Variants in PIK3C2G observed in about 807,000 individuals in gnomAD.
The protein encoded by PIK3C2G is phosphatidylinositol 3-kinase C2 domain-containing subunit gamma.
Under a neutral mutation model 181.1 loss-of-function variants are expected in PIK3C2G, and 168 were observed. The ratio of observed to expected loss-of-function variants is 0.93; its 90% CI spans 0.82 to 1.05. The LOEUF (loss-of-function observed/expected upper bound fraction) is 1.05. Among genes scored for constraint, PIK3C2G ranks in the 50% least tolerant of loss-of-function variants. The pLI is 0.00. For synonymous variants in PIK3C2G, 573 were observed against 592.2 expected, an observed-to-expected ratio of 0.97 and a Z score of 0.47; for missense variants, 1,869 against 1,732.8, an observed-to-expected ratio of 1.08 and a Z score of -1.40.
At chr12:18,497,945 C>A (rs1012596554) in intron 22 of PIK3C2G, among the ~76,000 whole-genome samples, 197 bp downstream of exon 22, 1 of 152,048 alleles carries the variant, frequency 6.6e-6, no homozygotes, top group East Asian at 1.9e-4. Flanking sequence ...GCATAATATG[C>A]TTTTAGGTAT....
chr12:18,341,339 T>C (rs1476171730), intron 9 of PIK3C2G, among the ~76,000 whole-genome samples: 1 of 152,166 alleles, frequency 6.6e-6, no homozygotes, highest in Non-Finnish European at 1.5e-5. Flanking sequence ...AAAACTCATC[T>C]TCACATTTCA....
Position 18,491,436 on chromosome 12 carries a change from A to G in PIK3C2G, c.2686-15A>G, listed in dbSNP as rs763071945. ...TTACATTTTCTTAAATCCTTTTTCT[A>G]ATGATTTTTCACAGGAGGTACTGAA... On this transcript the variant is annotated splice_polypyrimidine_tract_variant and intron_variant, in intron 19 of 32. Coordinates refer to ENST00000538779, the MANE Select transcript of PIK3C2G (RefSeq NM_001288772.2). 1 of 1,304,086 alleles carries G rather than the reference A, an allele frequency of 7.7e-7. No individual in the cohort carries two copies. Among genetic ancestry groups the G allele is most frequent in the South Asian group, 1.3e-5 (1 of 79,984 alleles). The allele number at this position is 1,304,086 out of a possible 1,614,324, so 80.8% of individuals were successfully genotyped here. A position where few individuals can be genotyped will look rare whatever the true frequency, so the allele number is the denominator to read the frequency against.
intron 18 of PIK3C2G, among the ~76,000 whole-genome samples, chr12:18,474,985 T>C (rs902392137): frequency 1.3e-5 from 2 of 151,898 alleles, no homozygotes; most frequent in African/African-American, 4.8e-5. Context: ...CAGAGAAGAG[T>C]CTCATTAAGG....
chr12:18,337,818 T>A (rs1348305173), intron 8 of PIK3C2G, among the ~76,000 whole-genome samples: 1 of 152,142 alleles, frequency 6.6e-6, no homozygotes, highest in Non-Finnish European at 1.5e-5. Context: ...CCAAACTATA[T>A]CAGTAGATTA....
intron 30 of PIK3C2G, among the ~76,000 whole-genome samples, chr12:18,597,681 TC>T (rs548734698): frequency 5.4e-4 from 82 of 152,104 alleles, no homozygotes; most frequent in African/African-American, 1.8e-3. Context: ...TAAAGGGTAT[TC>T]AATTAGGAAA....
chr12:18,701,287 G>T, the PIK3C2G span, among the ~76,000 whole-genome samples: 1 of 151,902 alleles, frequency 6.6e-6, no homozygotes, highest in African/African-American at 2.4e-5. Context: ...GCTCAGCCTA[G>T]AGAAAAAAAT....
intron 5 of PIK3C2G, among the ~76,000 whole-genome samples, chr12:18,306,573 T>C (rs78277519): frequency 0.03 from 4,568 of 152,132 alleles, 229 homozygotes; most frequent in African/African-American, 0.1. Context: ...AAGACCAGTT[T>C]ACTCAAATTA....
chr12:18,498,266 C>T (rs1941172045), intron 22 of PIK3C2G, among the ~76,000 whole-genome samples: 1 of 152,124 alleles, frequency 6.6e-6, no homozygotes, highest in South Asian at 2.1e-4. Context: ...ATTTCTTTTC[C>T]TTTATAAAAG....
intron 24 of PIK3C2G, 81 bp downstream of exon 24, chr12:18,505,542 C>A: frequency 1.1e-6 from 1 of 939,966 alleles, no homozygotes; most frequent in South Asian, 2.8e-5. Context: ...AGAAACCCTG[C>A]TGATGACTTG....
chr12:18,694,915 T>C, the PIK3C2G span: 3 of 1,586,758 alleles, frequency 1.9e-6, no homozygotes, highest in African/African-American at 4.0e-5. Context: ...CTTACCCTTA[T>C]TGTAAGTGTA....
intron 18 of PIK3C2G, among the ~76,000 whole-genome samples, chr12:18,453,892 A>T (rs1216712308): frequency 6.6e-6 from 1 of 152,130 alleles, no homozygotes; most frequent in Non-Finnish European, 1.5e-5. Context: ...CCATGCCAAA[A>T]TTTACTCATT....
At chr12:18,707,487 G>A in the PIK3C2G span, among the ~76,000 whole-genome samples, 1 of 152,086 alleles carries the variant, frequency 6.6e-6, no homozygotes, top group Admixed American at 6.6e-5. Flanking sequence ...CACATTGAAA[G>A]TGGATGTTGA....
chr12:18,700,854 T>C, the PIK3C2G span, among the ~76,000 whole-genome samples: 3 of 152,210 alleles, frequency 2.0e-5, no homozygotes, highest in African/African-American at 7.2e-5. Flanking sequence ...TAACATTATG[T>C]ATTATTAATA....
At chr12:18,334,357 C>T (rs1938305880) in intron 8 of PIK3C2G, among the ~76,000 whole-genome samples, 1 of 152,116 alleles carries the variant, frequency 6.6e-6, no homozygotes, top group African/African-American at 2.4e-5. Context: ...TCTCATTTAT[C>T]ATCTTAGAGC....
chr12:18,452,126 G>A (rs1025966469), intron 18 of PIK3C2G, among the ~76,000 whole-genome samples: 21 of 152,162 alleles, frequency 1.4e-4, no homozygotes, highest in African/African-American at 4.8e-4. Context: ...CTATTGTTTG[G>A]AATAGTTTCA....
intron 4 of PIK3C2G, among the ~76,000 whole-genome samples, chr12:18,291,380 A>G (rs983746580): frequency 2.6e-5 from 4 of 152,194 alleles, no homozygotes; most frequent in African/African-American, 9.6e-5. Context: ...TTTCCTTGAA[A>G]TATAAATAAA....
At chr12:18,316,862 CGTAGA>C (rs1328559433) in intron 6 of PIK3C2G, among the ~76,000 whole-genome samples, 1 of 151,966 alleles carries the variant, frequency 6.6e-6, no homozygotes, top group East Asian at 1.9e-4. Context: ...TACACTAATG[CGTAGA>C]GTAGTGAGCA....
At chr12:18,671,718 G>A in the PIK3C2G span, among the ~76,000 whole-genome samples, 1 of 151,986 alleles carries the variant, frequency 6.6e-6, no homozygotes, top group Non-Finnish European at 1.5e-5. Context: ...GAAGAAAAGG[G>A]AAATTTGAAT....
chr12:18,465,955 C>G (rs992326610), intron 18 of PIK3C2G, among the ~76,000 whole-genome samples: 2 of 151,332 alleles, frequency 1.3e-5, no homozygotes, highest in African/African-American at 2.4e-5. Context: ...ATTCTACATA[C>G]TTCTTTTTTT....
Sources: allele counts gnomAD v4.1 joint callset (sites outside exome capture counted in the v4.1 genomes callset), GRCh38; gene constraint gnomAD v4.1.1; transcripts MANE v1.5; gene names NCBI Gene and HGNC (gene_info 2026-07-23, HGNC 2026-07-21).